ARMH1: variants seen among roughly 807,000 people sequenced by gnomAD.
ARMH1 encodes the protein armadillo like helical domain containing 1, also known as armadillo-like helical domain containing protein 1.
A neutral mutation model predicts 50.2 loss-of-function variants in ARMH1; 34 were observed. That is an observed-to-expected ratio of 0.68 (90% CI 0.51 to 0.90). The LOEUF is 0.90. ARMH1 is among the 40% of genes least tolerant of loss of function. ARMH1 has a pLI of 0.00. For missense variants in ARMH1, 538 were observed against 553.9 expected (o/e 0.97, Z 0.29); for synonymous variants, 221 against 224.2 (o/e 0.99, Z 0.13).
At chr1:44,721,703 T>C (rs960352242) in intron 6 of ARMH1, 7 of 152,128 alleles carry the variant, frequency 4.6e-5, no homozygotes, top group East Asian at 3.9e-4. Flanking sequence ...CGCTACAACC[T>C]GGGTGACATT....
chr1:44,724,387 C>T lies in ARMH1; in HGVS notation c.915C>T (p.Ala305=), dbSNP rs1573527230. 2 of 1,550,198 alleles carry T rather than the reference C, an allele frequency of 1.3e-6. No homozygotes were observed. Among genetic ancestry groups the T allele is most frequent in the Non-Finnish European group, 1.7e-6 (2 of 1,146,870 alleles). The stretch of plus-strand genomic sequence containing the variant: ...TGCAGCAGGCCGCGGCCGCCAAGGC[C>T]ATCGGGTAAGCGGGCAGGGGTTAGT... ...MFLQQAAAAK[A]IGVLARNDMS... The change falls in exon 8 of 12, where the codon GCC becomes GCT. Residue 305 remains alanine (A), a synonymous_variant. Coordinates refer to ENST00000535358, the MANE Select transcript of ARMH1 (RefSeq NM_001145636.2). This position sits in a 1 kb window ranked among gnomAD's most constrained non-coding sequence, Gnocchi z 6.4.
At chr1:44,677,534 C>T (rs890471572) in intron 1 of ARMH1, among the ~76,000 whole-genome samples, 5 of 152,160 alleles carry the variant, frequency 3.3e-5, no homozygotes, top group African/African-American at 1.2e-4. Flanking sequence ...GAATCCACAT[C>T]TGAGATCATT....
chr1:44,694,840 C>A (rs1461441559), intron 2 of ARMH1, among the ~76,000 whole-genome samples: 1 of 152,066 alleles, frequency 6.6e-6, no homozygotes, highest in African/African-American at 2.4e-5. Flanking sequence ...ATGTTCTAGG[C>A]ACTGAGATAT....
intron 1 of ARMH1, among the ~76,000 whole-genome samples, chr1:44,675,514 T>C (rs547415341): frequency 6.6e-6 from 1 of 151,760 alleles, no homozygotes; most frequent in East Asian, 1.9e-4. Flanking sequence ...ATTTTAAAAA[T>C]TAGCCAGGCA....
chr1:44,697,386 C>T (rs375668595), intron 3 of ARMH1, among the ~76,000 whole-genome samples: 9 of 152,070 alleles, frequency 5.9e-5, no homozygotes, highest in African/African-American at 1.9e-4. Flanking sequence ...AGCACCCTCT[C>T]GGTTGTGAAT....
intron 6 of ARMH1, among the ~76,000 whole-genome samples, chr1:44,709,482 C>G (rs937845113): frequency 2.6e-5 from 4 of 152,112 alleles, no homozygotes; most frequent in Admixed American, 6.6e-5. Context: ...ACCATCCTGG[C>G]TAACACGGTG....
intron 6 of ARMH1, chr1:44,723,816 C>T (rs1480129071): frequency 3.2e-6 from 1 of 315,614 alleles, no homozygotes; most frequent in Admixed American, 5.0e-5. Flanking sequence ...CAGCCCTTCC[C>T]TCCTCCATGA....
At chr1:44,721,758 C>G (rs549699161) in intron 6 of ARMH1, 10 of 152,298 alleles carry the variant, frequency 6.6e-5, no homozygotes, top group African/African-American at 9.6e-5. Context: ...ACCCCACCCA[C>G]ACGTCTCTCT....
At chr1:44,707,149 T>C (rs1208836090) in intron 6 of ARMH1, among the ~76,000 whole-genome samples, 3 of 139,216 alleles carry the variant, frequency 2.2e-5, no homozygotes, top group African/African-American at 8.1e-5. Flanking sequence ...TACCTTCCCC[T>C]TACATAGACT....
intron 6 of ARMH1, among the ~76,000 whole-genome samples, chr1:44,706,290 A>G (rs1441130219): frequency 1.3e-5 from 2 of 152,218 alleles, no homozygotes; most frequent in Non-Finnish European, 2.9e-5. Flanking sequence ...ACATAGCCCC[A>G]GGAAGAGAGC....
intron 6 of ARMH1, among the ~76,000 whole-genome samples, chr1:44,714,377 G>A (rs1424443176): frequency 6.6e-6 from 1 of 151,622 alleles, no homozygotes; most frequent in Admixed American, 6.6e-5. Context: ...CCTGAGGTCG[G>A]AAGTTCGAGA....
At chr1:44,721,582 G>T (rs900543867) in intron 6 of ARMH1, among the ~76,000 whole-genome samples, 2 of 152,028 alleles carry the variant, frequency 1.3e-5, no homozygotes, top group Non-Finnish European at 2.9e-5. Flanking sequence ...CATGACAGTA[G>T]GCCGGGCACT....
chr1:44,698,820 A>G (rs932891489), intron 4 of ARMH1, among the ~76,000 whole-genome samples: 1 of 151,682 alleles, frequency 6.6e-6, no homozygotes. Context: ...TCTCAAAAAA[A>G]AAAAAAAGAA....
At chr1:44,704,808 G>A (rs1056577394) in intron 6 of ARMH1, among the ~76,000 whole-genome samples, 16 of 151,398 alleles carry the variant, frequency 1.1e-4, no homozygotes, top group African/African-American at 3.4e-4. Flanking sequence ...CACTGCACCC[G>A]GCCAGGAGCT....
chr1:44,687,191 T>G (rs1001416213), intron 1 of ARMH1, among the ~76,000 whole-genome samples: 1 of 152,178 alleles, frequency 6.6e-6, no homozygotes, highest in African/African-American at 2.4e-5. Context: ...GCCTCTCTCC[T>G]TGGCTTGCAG....
At chr1:44,698,035 A>C (rs564737286) in intron 3 of ARMH1, 28 bp from the exon 4 acceptor site, 2 of 1,502,510 alleles carry the variant, frequency 1.3e-6, no homozygotes, top group East Asian at 5.0e-5. Flanking sequence ...CAAGAGTTTT[A>C]TTTCTACTTT....
At chr1:44,712,268 G>C (rs1044297585) in intron 6 of ARMH1, among the ~76,000 whole-genome samples, 1 of 152,144 alleles carries the variant, frequency 6.6e-6, no homozygotes, top group African/African-American at 2.4e-5. Context: ...AGACCAGCCT[G>C]GGCAACAAGG....
At position 44,691,468 on chromosome 1, in the gene ARMH1, C is replaced by T. The variant is rs368314638; in HGVS notation, c.206+1565C>T. Among the ~76,000 whole-genome samples, 21 of 152,174 alleles carry T rather than the reference C, an allele frequency of 1.4e-4. No individual in the cohort carries two copies. The East Asian group carries it at 3.7e-3, about 27-fold the overall frequency. On this transcript the variant is annotated intron_variant, in intron 2 of 11. Coordinates refer to ENST00000535358, the MANE Select transcript of ARMH1 (RefSeq NM_001145636.2). ...TAGGTGACCTCTCAGTGGCATTTGT[C>T]AATCAACCTTTCCCACTTCTCAAAA... is the stretch of plus-strand genomic sequence containing the variant.
At chr1:44,713,777 G>A (rs1646723313) in intron 6 of ARMH1, among the ~76,000 whole-genome samples, 1 of 152,124 alleles carries the variant, frequency 6.6e-6, no homozygotes, top group African/African-American at 2.4e-5. Flanking sequence ...CTCAGGGATA[G>A]TTCAAAACAT....
Sources: allele counts gnomAD v4.1 joint callset (sites outside exome capture counted in the v4.1 genomes callset), GRCh38; gene constraint gnomAD v4.1.1; non-coding constraint Gnocchi (gnomAD v3.1); transcripts MANE v1.5; gene names NCBI Gene and HGNC (gene_info 2026-07-23, HGNC 2026-07-21).